KCNQ1: variants seen among roughly 807,000 people sequenced by gnomAD.
The protein encoded by KCNQ1 is potassium voltage-gated channel subfamily Q member 1.
In KCNQ1, 49 loss-of-function variants were observed where a neutral mutation model predicts 72.4. The observed-to-expected ratio is 0.68, with a 90% CI of 0.54 to 0.86. KCNQ1 has a LOEUF of 0.86. KCNQ1 is among the 40% of genes least tolerant of loss of function. The probability of loss-of-function intolerance (pLI) is 0.00; values close to 1 mark genes in which losing one functional copy is unlikely to be tolerated. For missense variants in KCNQ1, 790 were observed against 945.1 expected, an observed-to-expected ratio of 0.84 and a Z score of 2.15; for synonymous variants, 450 against 412.6, an observed-to-expected ratio of 1.09 and a Z score of -1.10.
At chr11:2,639,773 C>A (rs922051635) in intron 10 of KCNQ1, 1 of 152,422 alleles carries the variant, frequency 6.6e-6, no homozygotes, top group African/African-American at 2.4e-5. Flanking sequence ...GCAGAGGTTT[C>A]TGCTGCCTTT....
rs1411960313 is a variant in KCNQ1 at position 2,507,571 on chromosome 11, A to G, written c.387-20357A>G. On this transcript the variant is annotated intron_variant, in intron 1 of 15. Transcript: ENST00000155840. This position sits in a 1 kb window ranked among gnomAD's most constrained non-coding sequence, Gnocchi z 5.4. ...GGAGGATGCACTTTCTGTTTCTGAC[A>G]TGGGTCAGGGTTGGGGCGAAGGAGT... Among the ~76,000 whole-genome samples, 1 of 152,124 alleles carries G rather than the reference A, an allele frequency of 6.6e-6. No homozygotes were observed. The highest frequency in any genetic ancestry group is 1.5e-5 in the Non-Finnish European group (1 of 68,010).
chr11:2,448,908 C>T (rs946315227), intron 1 of KCNQ1, among the ~76,000 whole-genome samples: 22 of 152,228 alleles, frequency 1.4e-4, no homozygotes, highest in Admixed American at 1.3e-3. Flanking sequence ...GGAACACAGG[C>T]ATCCCTTACC....
chr11:2,663,422 C>A lies in KCNQ1; in HGVS notation c.1514+1341C>A. The A allele has an allele frequency of 2.5e-6, 1 of 398,824 alleles. No individual in the cohort carries two copies. Among genetic ancestry groups the A allele is most frequent in the Non-Finnish European group, 4.4e-6 (1 of 226,232 alleles). The allele number at this position is 398,824 out of a possible 1,614,324, so 24.7% of individuals were successfully genotyped here. A position where few individuals can be genotyped will look rare whatever the true frequency, so the allele number is the denominator to read the frequency against. ...GCTTACACTGTGGCCAAGGCCTGTA[C>A]CAAGTCCTGGATATGATGGACCTCC... On this transcript the variant is annotated intron_variant, in intron 11 of 15. Coordinates refer to ENST00000155840, the MANE Select transcript of KCNQ1 (RefSeq NM_000218.3). This position sits in a 1 kb window ranked among gnomAD's most constrained non-coding sequence, Gnocchi z 5.2.
chr11:2,649,773 G>A, intron 10 of KCNQ1: 3 of 398,512 alleles, frequency 7.5e-6, no homozygotes, highest in Non-Finnish European at 1.3e-5. Flanking sequence ...GCCTCAGAGA[G>A]GCCCTTTTAG....
At chr11:2,584,278 A>G (rs546991432) in intron 7 of KCNQ1, among the ~76,000 whole-genome samples, 2 of 151,190 alleles carry the variant, frequency 1.3e-5, no homozygotes, top group East Asian at 1.9e-4. Flanking sequence ...ATGTGCGTAT[A>G]TGTGTGTGCA....
chr11:2,825,220 C>T (rs1031336895), intron 15 of KCNQ1, among the ~76,000 whole-genome samples: 6 of 152,196 alleles, frequency 3.9e-5, no homozygotes, highest in Admixed American at 3.9e-4. Context: ...TGCTGTCGGG[C>T]GTGTGCCTTC....
At chr11:2,594,577 T>C (rs1848710649) in intron 10 of KCNQ1, among the ~76,000 whole-genome samples, 1 of 152,210 alleles carries the variant, frequency 6.6e-6, no homozygotes, top group East Asian at 1.9e-4. Context: ...AGCTGTCTCA[T>C]AGATTTTCTA....
chr11:2,571,610 G>A (rs1848335903), intron 4 of KCNQ1, among the ~76,000 whole-genome samples: 1 of 152,154 alleles, frequency 6.6e-6, no homozygotes. Context: ...AACCCAAGAT[G>A]CCTCAGGCAG....
At chr11:2,584,095 T>C (rs1848547321) in intron 7 of KCNQ1, among the ~76,000 whole-genome samples, 2 of 152,198 alleles carry the variant, frequency 1.3e-5, no homozygotes, top group South Asian at 4.1e-4. Flanking sequence ...ATCACATGGG[T>C]GTGTATGTAC....
chr11:2,451,351 A>T lies in KCNQ1; in HGVS notation c.386+5867A>T, dbSNP rs1846116534. 6.6e-6 allele frequency among the ~76,000 whole-genome samples: 1 copy of T among 152,156 alleles called. No homozygotes were observed. The highest frequency in any genetic ancestry group is 2.4e-5 in the African/African-American group (1 of 41,442). On this transcript the variant is annotated intron_variant, in intron 1 of 15. Coordinates refer to ENST00000155840, the MANE Select transcript of KCNQ1 (RefSeq NM_000218.3). This position sits in a 1 kb window ranked among gnomAD's most constrained non-coding sequence, Gnocchi z 6.4. ...AGAATCTAATGCCACCGCTGATCCA[A>T]CAGGAGGTAGAGCTCAGGTGGCCGT...
chr11:2,571,427 C>A, intron 4 of KCNQ1, 24 bp downstream of exon 4: 1 of 1,595,558 alleles, frequency 6.3e-7, no homozygotes. Flanking sequence ...ACAAGCTCCC[C>A]CCGCCATGCC....
chr11:2,610,862 G>A (rs1049477808), intron 10 of KCNQ1: 3 of 397,948 alleles, frequency 7.5e-6, no homozygotes, highest in African/African-American at 6.2e-5. Flanking sequence ...ATTAAGCAGA[G>A]TGCCACATAG....
At chr11:2,822,259 A>G (rs563715413) in intron 15 of KCNQ1, among the ~76,000 whole-genome samples, 1 of 152,292 alleles carries the variant, frequency 6.6e-6, no homozygotes, top group East Asian at 1.9e-4. Context: ...CCAGTGCTGC[A>G]AGATGTCACA....
chr11:2,680,648 G>A, intron 11 of KCNQ1: 1 of 398,466 alleles, frequency 2.5e-6, no homozygotes, highest in Non-Finnish European at 4.4e-6. Context: ...ATATTGCATT[G>A]ATAGTCTCAC....
chr11:2,484,842 C>T lies in KCNQ1; in HGVS notation c.386+39358C>T, dbSNP rs553151010. On this transcript the variant is annotated intron_variant, in intron 1 of 15. Transcript: ENST00000155840. The surrounding 1 kb of genome is among the most constrained non-coding windows in gnomAD (Gnocchi z 5.2). ...ATATTCATACATGAGTGGGCTCATA[C>T]TGTCTCCAACTCCAGTTCTGCCCCA... Among the ~76,000 whole-genome samples the T allele has an allele frequency of 1.3e-5, 2 of 152,344 alleles. No individual in the cohort carries two copies. Among genetic ancestry groups the T allele is most frequent in the South Asian group, 4.1e-4 (2 of 4,826 alleles).
chr11:2,610,528 C>T (rs117893171), intron 10 of KCNQ1: 4,995 of 398,354 alleles, frequency 0.013, 34 homozygotes, highest in Non-Finnish European at 0.018. Flanking sequence ...CTATTTACCT[C>T]CTTGCTCTTT....
intron 10 of KCNQ1, chr11:2,655,414 T>G: frequency 2.5e-6 from 1 of 398,632 alleles, no homozygotes; most frequent in Non-Finnish European, 4.4e-6. Flanking sequence ...GTGCTCTTTG[T>G]CCCCAGGGCC....
At chr11:2,456,260 G>A (rs1468780079) in intron 1 of KCNQ1, among the ~76,000 whole-genome samples, 2 of 151,284 alleles carry the variant, frequency 1.3e-5, no homozygotes, top group Non-Finnish European at 2.9e-5. Flanking sequence ...TTGCACCACT[G>A]CGCTCCAGCC....
chr11:2,619,773 T>C (rs1462371503), intron 10 of KCNQ1: 1 of 398,230 alleles, frequency 2.5e-6, no homozygotes, highest in Non-Finnish European at 4.4e-6. Context: ...TTAAGAAGTA[T>C]TGGTATTCTT....
Sources: gnomAD v4.1 joint callset for allele counts (sites outside exome capture counted in the v4.1 genomes callset) on GRCh38, gnomAD v4.1.1 for gene constraint, Gnocchi (gnomAD v3.1) non-coding constraint, MANE v1.5 for transcripts, NCBI Gene and HGNC (gene_info 2026-07-23, HGNC 2026-07-21) for gene names.